KLHL31: variants seen among roughly 807,000 people sequenced by gnomAD.
KLHL31 encodes the protein kelch like family member 31, also known as kelch-like protein 31.
KLHL31 carries 32 observed loss-of-function variants against 47.1 expected under a neutral mutation model. The observed-to-expected ratio is 0.68, with a 90% CI of 0.51 to 0.91. The LOEUF (loss-of-function observed/expected upper bound fraction) is 0.91. KLHL31 is among the 40% of genes least tolerant of loss of function. The probability of loss-of-function intolerance (pLI) is 0.00; values close to 1 mark genes in which losing one functional copy is unlikely to be tolerated. For synonymous variants in KLHL31, 330 were observed against 325.1 expected, an observed-to-expected ratio of 1.01 and a Z score of -0.16; for missense variants, 797 against 819.3, an observed-to-expected ratio of 0.97 and a Z score of 0.33.
Position 53,655,185 on chromosome 6 carries a change from G to A in KLHL31, c.88C>T (p.Leu30=), listed in dbSNP as rs1368444296. Residue 30 remains leucine (L), a synonymous_variant, in exon 2 of 3, where the codon CTG becomes TTG. Transcript: ENST00000370905. The part of the protein sequence containing the change: ...IIVEDSPLNK[L]NALNGLLEGG... ...TCTAGGAGCCCATTCAAAGCATTCA[G>A]TTTGTTTAGGGGGCTATCTTCTACG... The A allele has an allele frequency of 6.2e-7, 1 of 1,613,766 alleles. No homozygotes were observed. The highest frequency in any genetic ancestry group is 8.5e-7 in the Non-Finnish European group (1 of 1,179,908).
chr6:53,654,029 A>G, intron 2 of KLHL31, 72 bp downstream of exon 2: 4 of 1,292,928 alleles, frequency 3.1e-6, no homozygotes, highest in Non-Finnish European at 3.2e-6. Context: ...AAGCAAGATT[A>G]ATTTACTTCT....
At chr6:53,656,749 G>A (rs1581789556) in intron 1 of KLHL31, among the ~76,000 whole-genome samples, 1 of 152,032 alleles carries the variant, frequency 6.6e-6, no homozygotes, top group East Asian at 1.9e-4. Context: ...GAACAAGCTA[G>A]GGATCTTGTT....
chr6:53,658,510 G>T lies in KLHL31; in HGVS notation c.-33-3205C>A, dbSNP rs568113865. Among the ~76,000 whole-genome samples the T allele has an allele frequency of 9.9e-5, 15 of 152,232 alleles. No homozygotes were observed. The East Asian group carries it at 2.9e-3, about 29-fold the overall frequency. ...GGATTCAGGCCACAGTGCTGGACCT[G>T]GGTCCCAGCAGTCCCCCTAAGGTAC... On this transcript the variant is annotated intron_variant, in intron 1 of 2. Transcript: ENST00000370905.
At chr6:53,654,036 T>G in intron 2 of KLHL31, 65 bp downstream of exon 2, 5 of 1,350,856 alleles carry the variant, frequency 3.7e-6, no homozygotes, top group Non-Finnish European at 4.1e-6. Context: ...ATTAATTTAC[T>G]TCTATGTTAG....
At position 53,654,884 on chromosome 6, in the gene KLHL31, G is replaced by T; in HGVS notation, c.389C>A (p.Thr130Asn). The T allele has an allele frequency of 2.5e-6, 4 of 1,614,174 alleles. No individual in the cohort carries two copies. The highest frequency in any genetic ancestry group is 1.6e-4 in the Middle Eastern group (1 of 6,062). Residue 130 changes from threonine to asparagine, a missense_variant, in exon 2 of 3, where the codon ACT becomes AAT. Transcript: ENST00000370905. ...GLATVIAYAY[T>N]GKLTLSLYTI... ...ATACAAGGAGAGAGTGAGCTTTCCA[G>T]TGTAGGCATATGCAATGACAGTGGC... is the stretch of plus-strand genomic sequence containing the variant.
chr6:53,655,228 G>T lies in KLHL31; in HGVS notation c.45C>A (p.Ile15=), dbSNP rs977541351. The change falls in exon 2 of 3, where the codon ATC becomes ATA. Residue 15 remains isoleucine, a synonymous_variant. Transcript: ENST00000370905. Reference sequence around the variant, plus strand: ...CTTCTACGATTATAGTCATCTCATTGATATCTCCTTTGTTCTTTTTGACAA... The same window carrying T: ...CTTCTACGATTATAGTCATCTCATTTATATCTCCTTTGTTCTTTTTGACAA... ...KKIVKKNKGD[I]NEMTIIVEDS... is the part of the protein sequence containing the mutation. 10 of 1,603,798 alleles carry T rather than the reference G, an allele frequency of 6.2e-6. No homozygotes were observed. The African/African-American group carries it at 1.1e-4, about 17-fold the overall frequency.
intron 1 of KLHL31, among the ~76,000 whole-genome samples, chr6:53,655,600 T>C (rs1047952424): frequency 1.9e-5 from 2 of 104,406 alleles, no homozygotes; most frequent in Admixed American, 1.5e-4. Flanking sequence ...CTTTCTTTTT[T>C]CTTTTTTTCT....
Position 53,649,738 on chromosome 6 carries a change from T to C in KLHL31, c.*1860A>G, listed in dbSNP as rs1463531554. ...TGTAACCCACAATAAAACACCCTTT[T>C]CTCCAAAAATTAACCATATACTATA... On this transcript the variant is annotated 3_prime_UTR_variant, in exon 3 of 3. Coordinates refer to ENST00000370905, the MANE Select transcript of KLHL31 (RefSeq NM_001003760.5). 1 of 152,134 alleles carries C rather than the reference T, an allele frequency of 6.6e-6. No individual in the cohort carries two copies. Among genetic ancestry groups the C allele is most frequent in the East Asian group, 1.9e-4 (1 of 5,196 alleles). 9.4% of individuals were successfully genotyped at this position (152,134 alleles called of 1,614,324 possible). A position where few individuals can be genotyped will look rare whatever the true frequency, so the allele number is the denominator to read the frequency against.
In KLHL31 at chr6:53,651,802, G is replaced by C; in HGVS notation, c.1701C>G (p.Ala567=). ...TAGVSALHGR[A]YLVGGWNEGE... The stretch of plus-strand genomic sequence containing the variant: ...CCTCGTTCCAGCCCCCCACCAGGTA[G>C]GCGCGGCCATGCAGCGCCGAGACGC... The change falls in exon 3 of 3, where the codon GCC becomes GCG. Residue 567 remains alanine (A), a synonymous_variant. Coordinates refer to ENST00000370905, the MANE Select transcript of KLHL31 (RefSeq NM_001003760.5). 1 of 1,613,076 alleles carries C rather than the reference G, an allele frequency of 6.2e-7. No homozygotes were observed. Among genetic ancestry groups the C allele is most frequent in the Non-Finnish European group, 8.5e-7 (1 of 1,180,006 alleles).
At position 53,655,210 on chromosome 6, in the gene KLHL31, G is replaced by A. The variant is rs755730071; in HGVS notation, c.63C>T (p.Ile21=). The change falls in exon 2 of 3, where the codon ATC becomes ATT. Residue 21 remains isoleucine, a synonymous_variant. Transcript: ENST00000370905. The part of the protein sequence containing the change: ...NKGDINEMTI[I]VEDSPLNKLN... Reference sequence around the variant, plus strand: ...GTTTGTTTAGGGGGCTATCTTCTACGATTATAGTCATCTCATTGATATCTC... The same window carrying A: ...GTTTGTTTAGGGGGCTATCTTCTACAATTATAGTCATCTCATTGATATCTC... The A allele has an allele frequency of 2.2e-5, 35 of 1,607,490 alleles. No homozygotes were observed. In the East Asian group the frequency reaches 3.6e-4, roughly 16 times the overall value.
rs1024512613 is a variant in KLHL31 at position 53,649,586 on chromosome 6, A to G, written c.*2012T>C. The G allele has an allele frequency of 3.3e-5, 5 of 152,110 alleles. No homozygotes were observed. The highest frequency in any genetic ancestry group is 7.4e-5 in the Non-Finnish European group (5 of 67,988). The allele number at this position is 152,110 out of a possible 1,614,324, so 9.4% of individuals were successfully genotyped here. Reference sequence around the variant, plus strand: ...TCATTATTCCATCATGTAATGTTGCAATTGATTGATTCTCATTTCATTTCA... The same window carrying G: ...TCATTATTCCATCATGTAATGTTGCGATTGATTGATTCTCATTTCATTTCA... On this transcript the variant is annotated 3_prime_UTR_variant, in exon 3 of 3. Coordinates refer to ENST00000370905, the MANE Select transcript of KLHL31 (RefSeq NM_001003760.5).
chr6:53,661,453 T>C (rs1280937154), intron 1 of KLHL31, among the ~76,000 whole-genome samples: 1 of 151,900 alleles, frequency 6.6e-6, no homozygotes, highest in African/African-American at 2.4e-5. Context: ...AACCATGAGT[T>C]TTCCACAATC....
chr6:53,651,876 C>A lies in KLHL31; in HGVS notation c.1627G>T (p.Gly543Cys), dbSNP rs1174716995. 6.3e-7 allele frequency: 1 copy of A among 1,598,672 alleles called. No homozygotes were observed. The highest frequency in any genetic ancestry group is 1.3e-5 in the African/African-American group (1 of 74,756). Residue 543 changes from glycine to cysteine, a missense_variant, in exon 3 of 3, where the codon GGC becomes TGC. Transcript: ENST00000370905. ...LTVECYSPAT[G>C]QWSYAAPLQV... ...AGCGGCGCCGCGTAGCTCCACTGGC[C>A]GGTCGCGGGGCTGTAGCACTCCACG...
chr6:53,659,748 T>C (rs1359996929), intron 1 of KLHL31, among the ~76,000 whole-genome samples: 1 of 152,204 alleles, frequency 6.6e-6, no homozygotes, highest in Non-Finnish European at 1.5e-5. Flanking sequence ...CCAGGAAGGC[T>C]TGAACCTGAT....
At chr6:53,665,102 GA>G (rs961790057) in intron 1 of KLHL31, among the ~76,000 whole-genome samples, 1 of 151,064 alleles carries the variant, frequency 6.6e-6, no homozygotes, top group Non-Finnish European at 1.5e-5. Flanking sequence ...ATATTTCTGG[GA>G]ATTCAGAGTT....
chr6:53,663,735 A>G (rs1341681011), intron 1 of KLHL31, among the ~76,000 whole-genome samples: 1 of 152,222 alleles, frequency 6.6e-6, no homozygotes, highest in Non-Finnish European at 1.5e-5. Context: ...TGAAAACTTT[A>G]GTAAACTGGC....
Position 53,651,761 on chromosome 6 carries a change from T to C in KLHL31, c.1742A>G (p.Lys581Arg), listed in dbSNP as rs769918582. Residue 581 changes from lysine (K) to arginine (R), a missense_variant, in exon 3 of 3, where the codon AAG (lysine) becomes AGG (arginine). Lys to Arg is a conservative substitution (Grantham distance 26). Coordinates refer to ENST00000370905, the MANE Select transcript of KLHL31 (RefSeq NM_001003760.5). ...GGWNEGEKKY[K>R]KCIQCFSPEL... ...GGGGCTGAAGCACTGGATGCACTTC[T>C]TGTACTTCTTCTCGCCCTCGTTCCA... The C allele has an allele frequency of 6.2e-7, 1 of 1,614,098 alleles. No individual in the cohort carries two copies. The highest frequency in any genetic ancestry group is 1.1e-5 in the South Asian group (1 of 91,086).
rs1764483840 is a variant in KLHL31 at position 53,652,154 on chromosome 6, G to A, written c.1349C>T (p.Thr450Met). The A allele has an allele frequency of 1.2e-6, 2 of 1,605,664 alleles. No individual in the cohort carries two copies. Among genetic ancestry groups the A allele is most frequent in the Non-Finnish European group, 1.7e-6 (2 of 1,179,074 alleles). The change falls in exon 3 of 3, where the codon ACG becomes ATG. Residue 450 changes from threonine (T) to methionine (M), a missense_variant. By Grantham distance (81) the Thr-to-Met change is moderately conservative. Coordinates refer to ENST00000370905, the MANE Select transcript of KLHL31 (RefSeq NM_001003760.5). ...VPSTNQWQPK[T>M]PLEVARCCHA... ...GCAGCAGCGCGCCACCTCCAGGGGC[G>A]TCTTCGGCTGCCACTGATTGGTGGA...
intron 1 of KLHL31, among the ~76,000 whole-genome samples, chr6:53,660,178 T>C (rs1334242571): frequency 6.6e-6 from 1 of 152,070 alleles, no homozygotes; most frequent in Non-Finnish European, 1.5e-5. Flanking sequence ...TCTATCAGAG[T>C]AGCCTTTGTA....
Sources: gnomAD v4.1 joint callset for allele counts (sites outside exome capture counted in the v4.1 genomes callset) on GRCh38, gnomAD v4.1.1 for gene constraint, MANE v1.5 for transcripts, NCBI Gene and HGNC (gene_info 2026-07-23, HGNC 2026-07-21) for gene names.